The following MED12L variants were observed in gnomAD, a reference collection of about 807,000 sequenced individuals.
The protein encoded by MED12L is mediator complex subunit 12L, also known as mediator of RNA polymerase II transcription subunit 12-like protein.
A neutral mutation model predicts 281.3 loss-of-function variants in MED12L; 60 were observed. The ratio of observed to expected loss-of-function variants is 0.21; its 90% CI spans 0.17 to 0.26. The LOEUF (loss-of-function observed/expected upper bound fraction) is 0.26. MED12L is among the 10% of genes least tolerant of loss of function. MED12L has a pLI of 1.00. For missense variants in MED12L, 2,146 were observed against 2,680.9 expected, an observed-to-expected ratio of 0.80 and a Z score of 4.41; for synonymous variants, 974 against 987.2, an observed-to-expected ratio of 0.99 and a Z score of 0.25.
intron 2 of MED12L, among the ~76,000 whole-genome samples, chr3:151,095,732 T>G (rs1720626479): frequency 6.6e-6 from 1 of 152,162 alleles, no homozygotes; most frequent in Non-Finnish European, 1.5e-5. Flanking sequence ...AAAAACTTTT[T>G]TTTCTTTTTT....
intron 17 of MED12L, among the ~76,000 whole-genome samples, chr3:151,352,943 T>A (rs1029828851): frequency 6.6e-6 from 1 of 152,190 alleles, no homozygotes; most frequent in Non-Finnish European, 1.5e-5. Flanking sequence ...AGGAAAAATA[T>A]ATATTGACTA....
intron 16 of MED12L, among the ~76,000 whole-genome samples, chr3:151,252,382 A>G (rs925033687): frequency 6.6e-6 from 1 of 152,172 alleles, no homozygotes; most frequent in East Asian, 1.9e-4. Flanking sequence ...CTGATTTTTC[A>G]TAGAAAATAA....
At chr3:151,094,197 T>G (rs1202849954) in intron 2 of MED12L, among the ~76,000 whole-genome samples, 1 of 152,152 alleles carries the variant, frequency 6.6e-6, no homozygotes, top group Non-Finnish European at 1.5e-5. Flanking sequence ...AAGCATAGAG[T>G]AAGTGAAACT....
intron 16 of MED12L, among the ~76,000 whole-genome samples, chr3:151,306,341 A>T (rs1045221415): frequency 6.6e-6 from 1 of 152,244 alleles, no homozygotes; most frequent in Non-Finnish European, 1.5e-5. Context: ...ATGTGTTAAT[A>T]GTCACAGTGG....
chr3:151,170,929 G>C (rs1721347150), intron 11 of MED12L, among the ~76,000 whole-genome samples: 1 of 152,104 alleles, frequency 6.6e-6, no homozygotes, highest in Non-Finnish European at 1.5e-5. Flanking sequence ...CAAATTCTTA[G>C]ATTCTGCTTG....
intron 11 of MED12L, among the ~76,000 whole-genome samples, chr3:151,166,573 G>A (rs1346729113): frequency 1.3e-5 from 2 of 152,112 alleles, no homozygotes; most frequent in African/African-American, 2.4e-5. Context: ...TGGCAAATTT[G>A]AGATATTCAG....
intron 27 of MED12L, among the ~76,000 whole-genome samples, chr3:151,374,701 A>G (rs1389912692): frequency 1.3e-5 from 2 of 152,204 alleles, no homozygotes; most frequent in African/African-American, 2.4e-5. Flanking sequence ...TCCCATCCCT[A>G]TGAGTGTATT....
At chr3:151,268,780 G>A (rs979833622) in intron 16 of MED12L, among the ~76,000 whole-genome samples, 2 of 152,154 alleles carry the variant, frequency 1.3e-5, no homozygotes, top group African/African-American at 4.8e-5. Flanking sequence ...TGAAATGGAG[G>A]AATCAAGGAA....
At position 151,435,959 on chromosome 3, in the gene MED12L, A is replaced by AG. The variant is rs1372160834; in HGVS notation, c.*3156dup. 18 of 152,310 alleles carry AG rather than the reference A, an allele frequency of 1.2e-4. No homozygotes were observed. In the Middle Eastern group the frequency reaches 0.01, roughly 86 times the overall value. The allele number at this position is 152,310 out of a possible 1,614,324, so 9.4% of individuals were successfully genotyped here. On this transcript the variant is annotated 3_prime_UTR_variant, in exon 45 of 45. Coordinates refer to ENST00000687756, the MANE Select transcript of MED12L (RefSeq NM_001393769.1). ...AACAGCTCCAAACCAGGGGTGCCTG[A>AG]GCTAGATTTTAAAGTTATAAAGAAG...
intron 11 of MED12L, among the ~76,000 whole-genome samples, chr3:151,174,647 A>T (rs966214873): frequency 6.6e-6 from 1 of 152,240 alleles, no homozygotes; most frequent in African/African-American, 2.4e-5. Flanking sequence ...TCCCTTTCTC[A>T]GTCAGAAATC....
At chr3:151,349,814 C>T (rs542328081) in intron 16 of MED12L, among the ~76,000 whole-genome samples, 2 of 150,762 alleles carry the variant, frequency 1.3e-5, no homozygotes, top group East Asian at 2.0e-4. Flanking sequence ...GGTACGCCCA[C>T]ATCAAGTGCT....
In MED12L at chr3:151,368,156, G is replaced by T; in HGVS notation, c.3455G>T (p.Gly1152Val). The part of the protein sequence containing the change: ...ALPSLLAAAC[G>V]DADAEPGARM... ...TCCAATCCCCCTTTCCTAGCTTGTG[G>T]GGATGCGGACGCCGAGCCTGGGGCG... Residue 1152 changes from glycine to valine, a missense_variant, in exon 25 of 45, where the codon GGG becomes GTG. Physicochemically the swap from Gly to Val is moderately radical, Grantham distance 109. Coordinates refer to ENST00000687756, the MANE Select transcript of MED12L (RefSeq NM_001393769.1). The T allele has an allele frequency of 1.9e-6, 3 of 1,613,868 alleles. No homozygotes were observed. Among genetic ancestry groups the T allele is most frequent in the Non-Finnish European group, 2.5e-6 (3 of 1,179,848 alleles).
intron 37 of MED12L, among the ~76,000 whole-genome samples, chr3:151,389,103 G>C (rs988199501): frequency 6.6e-6 from 1 of 152,188 alleles, no homozygotes; most frequent in Non-Finnish European, 1.5e-5. Flanking sequence ...TTGAGCATCA[G>C]TGCCCCCTTC....
intron 43 of MED12L, among the ~76,000 whole-genome samples, chr3:151,424,170 C>A (rs1233934009): frequency 6.6e-6 from 1 of 152,072 alleles, no homozygotes; most frequent in Non-Finnish European, 1.5e-5. Context: ...ACGTTGCCTT[C>A]CTTTGCATGA....
chr3:151,426,992 A>AT (rs1298472695), intron 43 of MED12L, among the ~76,000 whole-genome samples: 3 of 151,834 alleles, frequency 2.0e-5, no homozygotes, highest in Admixed American at 2.0e-4. Context: ...AATTTTAGTA[A>AT]TTTTTTGTAG....
intron 16 of MED12L, among the ~76,000 whole-genome samples, chr3:151,264,573 C>T (rs1739483802): frequency 6.6e-6 from 1 of 152,172 alleles, no homozygotes; most frequent in African/African-American, 2.4e-5. Context: ...GATGGGGTTT[C>T]TTTCTCCTGA....
chr3:151,329,485 G>T, intron 16 of MED12L: 1 of 1,542,378 alleles, frequency 6.5e-7, no homozygotes, highest in South Asian at 1.2e-5. Context: ...ATTCACCTTT[G>T]GGAGGATACT....
Position 151,436,139 on chromosome 3 carries a change from A to AT in MED12L, c.*3337dup, listed in dbSNP as rs1720157994. The AT allele has an allele frequency of 6.6e-6, 1 of 152,302 alleles. No homozygotes were observed. Among genetic ancestry groups the AT allele is most frequent in the Non-Finnish European group, 1.5e-5 (1 of 68,104 alleles). 9.4% of individuals were successfully genotyped at this position (152,302 alleles called of 1,614,324 possible). On this transcript the variant is annotated 3_prime_UTR_variant, in exon 45 of 45. Coordinates refer to ENST00000687756, the MANE Select transcript of MED12L (RefSeq NM_001393769.1). ...AATGCAGTTATTAAAACATTTTTGT[A>AT]TTCCCCATCAATGAAAATTTTCAGT...
intron 16 of MED12L, among the ~76,000 whole-genome samples, chr3:151,299,502 A>G (rs1432653944): frequency 7.0e-6 from 1 of 142,066 alleles, no homozygotes; most frequent in Non-Finnish European, 1.5e-5. Context: ...TTTCTGATAC[A>G]GAGTCTTGCT....
Sources: gnomAD v4.1 joint callset for allele counts (sites outside exome capture counted in the v4.1 genomes callset) on GRCh38, gnomAD v4.1.1 for gene constraint, MANE v1.5 for transcripts, NCBI Gene and HGNC (gene_info 2026-07-23, HGNC 2026-07-21) for gene names.